The following ATP9A variants were observed in gnomAD, a reference collection of about 807,000 sequenced individuals.
ATP9A encodes ATPase phospholipid transporting 9A.
Under a neutral mutation model 144.1 loss-of-function variants are expected in ATP9A, and 52 were observed. The observed-to-expected ratio is 0.36, with a 90% CI of 0.29 to 0.45. The LOEUF (loss-of-function observed/expected upper bound fraction) is 0.45. Ranked by LOEUF, ATP9A falls within the 20% of genes least tolerant of loss-of-function variation. ATP9A has a pLI of 1.00. For synonymous variants in ATP9A, 582 were observed against 557.4 expected (o/e 1.04, Z -0.62); for missense variants, 947 against 1,392.7 (o/e 0.68, Z 5.09).
intron 3 of ATP9A, among the ~76,000 whole-genome samples, chr20:51,724,085 C>T (rs905313194): frequency 2.0e-5 from 3 of 151,884 alleles, no homozygotes; most frequent in African/African-American, 7.3e-5. Flanking sequence ...GCAGAAGAAT[C>T]GCTTGGACCC....
At chr20:51,737,528 C>A (rs2426400) in intron 1 of ATP9A, among the ~76,000 whole-genome samples, 148,799 of 152,304 alleles carry the variant, frequency 0.98, 72,709 homozygotes, top group East Asian at 1. Context: ...ACCAAAAGTA[C>A]GTAACCCCAG....
At chr20:51,635,802 G>GAGGGAGGAAGGA (rs774111834) in intron 15 of ATP9A, among the ~76,000 whole-genome samples, 87 of 46,698 alleles carry the variant, frequency 1.9e-3, no homozygotes, top group Non-Finnish European at 1.8e-3. Context: ...AGGAGGGGAG[G>GAGGGAGGAAGGA]AGGAAGGAAG....
chr20:51,729,578 C>T (rs1435185405), intron 2 of ATP9A, among the ~76,000 whole-genome samples: 6 of 152,092 alleles, frequency 3.9e-5, no homozygotes, highest in Non-Finnish European at 7.4e-5. Flanking sequence ...AACCCCATCT[C>T]TACTAAAAAT....
In ATP9A at chr20:51,729,942, C is replaced by T; in HGVS notation, c.105G>A (p.Glu35=). The T allele has an allele frequency of 5.7e-6, 9 of 1,577,634 alleles. No homozygotes were observed. Among genetic ancestry groups the T allele is most frequent in the Non-Finnish European group, 7.7e-6 (9 of 1,166,970 alleles). ...CCAGCCAGACAGTGCGGGGCCTGGC[C>T]TCCCCTCCACCGCAGCATCTCAGCC... ...CEWLRCCGGG[E]ARPRTVWLGH... is the part of the protein sequence containing the mutation. The change falls in exon 2 of 28, where the codon GAG becomes GAA. Residue 35 remains glutamate, a synonymous_variant. Transcript: ENST00000338821.
chr20:51,621,830 AG>A lies in ATP9A; in HGVS notation c.2115+243del, dbSNP rs368021526. 1.2e-4 allele frequency among the ~76,000 whole-genome samples: 19 copies of A among 152,234 alleles called. 1 individual carries two copies. The highest frequency in any genetic ancestry group is 4.6e-4 in the African/African-American group (19 of 41,554). On this transcript the variant is annotated intron_variant, in intron 19 of 27. Coordinates refer to ENST00000338821, the MANE Select transcript of ATP9A (RefSeq NM_006045.3). ...TCTCAAAGGGACCACGACCCCCAAAAGGTTAAGAGCATGGCATTAGCACAGG... is the reference window on the plus strand; with the variant it reads ...TCTCAAAGGGACCACGACCCCCAAAAGTTAAGAGCATGGCATTAGCACAGG...
chr20:51,768,289 C>T lies in ATP9A; in HGVS notation c.68+13G>A, dbSNP rs1431540506. ...GCGCGGACAAAGGAAAACACGGGCC[C>T]AGGCCCACTCACCCGGCGCGGGGCC... On this transcript the variant is annotated intron_variant, in intron 1 of 27. Transcript: ENST00000338821. 1.6e-6 allele frequency: 2 copies of T among 1,280,170 alleles called. No homozygotes were observed. The highest frequency in any genetic ancestry group is 2.0e-6 in the Non-Finnish European group (2 of 1,005,206). 79.3% of individuals were successfully genotyped at this position (1,280,170 alleles called of 1,614,324 possible).
intron 4 of ATP9A, among the ~76,000 whole-genome samples, chr20:51,709,471 C>T (rs1445239434): frequency 1.3e-5 from 2 of 152,068 alleles, no homozygotes; most frequent in African/African-American, 2.4e-5. Context: ...GCCGAGATCG[C>T]GCCATTGCAT....
At chr20:51,651,609 G>A (rs964482608) in intron 14 of ATP9A, among the ~76,000 whole-genome samples, 1 of 151,162 alleles carries the variant, frequency 6.6e-6, no homozygotes, top group Non-Finnish European at 1.5e-5. Flanking sequence ...CTTTTCTGTA[G>A]TGAAGACATT....
At chr20:51,637,419 C>T (rs2077297074) in intron 15 of ATP9A, among the ~76,000 whole-genome samples, 1 of 151,070 alleles carries the variant, frequency 6.6e-6, no homozygotes, top group Non-Finnish European at 1.5e-5. Context: ...GCACAGGAGA[C>T]ACGGGAGGAC....
chr20:51,671,030 C>T, intron 12 of ATP9A, 85 bp downstream of exon 12: 1 of 1,494,720 alleles, frequency 6.7e-7, no homozygotes, highest in South Asian at 1.2e-5. Context: ...CTCATATGTC[C>T]AGAGAGAGCC....
At chr20:51,740,999 A>G (rs529176368) in intron 1 of ATP9A, among the ~76,000 whole-genome samples, 2 of 151,724 alleles carry the variant, frequency 1.3e-5, no homozygotes, top group South Asian at 4.2e-4. Flanking sequence ...ACATGTGGCT[A>G]TTTTAAGTTT....
chr20:51,694,312 G>A (rs903447045), intron 6 of ATP9A, among the ~76,000 whole-genome samples: 1 of 152,160 alleles, frequency 6.6e-6, no homozygotes, highest in African/African-American at 2.4e-5. Context: ...CACTCCCTCT[G>A]AGTGGGATCC....
chr20:51,645,386 G>A (rs1737123598), intron 14 of ATP9A, among the ~76,000 whole-genome samples: 1 of 152,188 alleles, frequency 6.6e-6, no homozygotes, highest in South Asian at 2.1e-4. Context: ...AGAGCGTGGT[G>A]GCAGGCACCT....
intron 3 of ATP9A, among the ~76,000 whole-genome samples, chr20:51,722,894 A>C (rs1171388569): frequency 5.3e-5 from 8 of 152,246 alleles, no homozygotes; most frequent in African/African-American, 1.7e-4. Context: ...ACACACGTTT[A>C]TAGTGGCACA....
chr20:51,640,405 G>A (rs531457948), intron 14 of ATP9A, among the ~76,000 whole-genome samples: 15 of 152,302 alleles, frequency 9.8e-5, no homozygotes, highest in African/African-American at 2.2e-4. Flanking sequence ...AAAACGTCCC[G>A]TAACACACAG....
chr20:51,672,407 G>A (rs895648130), intron 11 of ATP9A, among the ~76,000 whole-genome samples: 2 of 152,020 alleles, frequency 1.3e-5, no homozygotes, highest in African/African-American at 4.8e-5. Context: ...ATGAAGAGTC[G>A]ACTCACCAAT....
intron 9 of ATP9A, among the ~76,000 whole-genome samples, chr20:51,688,773 G>C (rs1029812042): frequency 6.6e-6 from 1 of 152,042 alleles, no homozygotes; most frequent in Non-Finnish European, 1.5e-5. Flanking sequence ...CATCCAGGCT[G>C]CCTCCCCCTC....
intron 22 of ATP9A, among the ~76,000 whole-genome samples, chr20:51,616,566 G>A (rs369812701): frequency 2.6e-5 from 4 of 152,012 alleles, no homozygotes; most frequent in East Asian, 1.9e-4. Flanking sequence ...TGATCCTCCC[G>A]CCTCAGCCTC....
rs1239117278 is a variant in ATP9A, at chr20:51,613,808, C to A, written c.2440G>T (p.Ala814Ser). The change falls in exon 23 of 28, where the codon GCA becomes TCA. Residue 814 changes from alanine (A) to serine (S), a missense_variant. Transcript: ENST00000338821. ...TTAAATTGAGTGATGGAGAAGTCTG[C>A]AGCCAACGAAGCCTGTTTTCCTTCC... Reference protein sequence around the residue: ...GKEGKQASLAADFSITQFKHL... With the variant: ...GKEGKQASLASDFSITQFKHL... The A allele has an allele frequency of 1.2e-6, 2 of 1,613,194 alleles. No individual in the cohort carries two copies. The highest frequency in any genetic ancestry group is 2.2e-5 in the South Asian group (2 of 91,024).
Sources: gnomAD v4.1 joint callset for allele counts (sites outside exome capture counted in the v4.1 genomes callset) on GRCh38, gnomAD v4.1.1 for gene constraint, MANE v1.5 for transcripts, NCBI Gene and HGNC (gene_info 2026-07-23, HGNC 2026-07-21) for gene names.